The following KCND2 variants were observed in gnomAD, a reference collection of about 807,000 sequenced individuals.
KCND2 encodes the protein A-type voltage-gated potassium channel KCND2.
A neutral mutation model predicts 54.4 loss-of-function variants in KCND2; 16 were observed. The observed-to-expected ratio is 0.29, with a 90% confidence interval of 0.20 to 0.45. KCND2 has a LOEUF of 0.45. KCND2 is among the 20% of genes least tolerant of loss of function. The probability of loss-of-function intolerance (pLI) is 1.00; values close to 1 mark genes in which losing one functional copy is unlikely to be tolerated. For synonymous variants in KCND2, 317 were observed against 310.7 expected (o/e 1.02, Z -0.21); for missense variants, 486 against 824.2 (o/e 0.59, Z 5.02).
intron 1 of KCND2, among the ~76,000 whole-genome samples, chr7:120,364,237 G>A (rs1800635765): frequency 6.6e-6 from 1 of 152,074 alleles, no homozygotes; most frequent in Admixed American, 6.6e-5. Context: ...TTGTTTTAGG[G>A]CCAAGTTCTC....
At chr7:120,718,047 C>G (rs1421164341) in intron 1 of KCND2, among the ~76,000 whole-genome samples, 1 of 152,086 alleles carries the variant, frequency 6.6e-6, no homozygotes, top group Non-Finnish European at 1.5e-5. Flanking sequence ...CTTTCATCTT[C>G]TGTCCACCTG....
At position 120,399,883 on chromosome 7, in the gene KCND2, G is replaced by A. The variant is rs528060835; in HGVS notation, c.1115+124136G>A. On this transcript the variant is annotated intron_variant, in intron 1 of 5. Coordinates refer to ENST00000331113, the MANE Select transcript of KCND2 (RefSeq NM_012281.3). ...TGGAAGTACAGGTGCCTGCCACCAC[G>A]CCTGACAAATTTTCATATTTTTAGC... 3.6e-4 allele frequency among the ~76,000 whole-genome samples: 54 copies of A among 151,850 alleles called. No homozygotes were observed. The South Asian group carries it at 0.01, about 28-fold the overall frequency.
At chr7:120,537,154 C>T (rs1791921803) in intron 1 of KCND2, among the ~76,000 whole-genome samples, 1 of 152,148 alleles carries the variant, frequency 6.6e-6, no homozygotes, top group Non-Finnish European at 1.5e-5. Context: ...ATGCAGGATA[C>T]ATGTTACGTT....
intron 1 of KCND2, among the ~76,000 whole-genome samples, chr7:120,322,495 A>G (rs1799904919): frequency 2.0e-5 from 3 of 152,174 alleles, no homozygotes; most frequent in Admixed American, 2.0e-4. Context: ...GTTTTAAGGA[A>G]TACAGTTCAT....
chr7:120,334,304 A>C (rs2116352981), intron 1 of KCND2, among the ~76,000 whole-genome samples: 1 of 152,316 alleles, frequency 6.6e-6, no homozygotes, highest in South Asian at 2.1e-4. Flanking sequence ...CGTATTAGAA[A>C]GGCTAGAACT....
chr7:120,570,227 G>A (rs1397735012), intron 1 of KCND2, among the ~76,000 whole-genome samples: 1 of 152,058 alleles, frequency 6.6e-6, no homozygotes, highest in African/African-American at 2.4e-5. Flanking sequence ...GTATTTCACA[G>A]AGTGAAATAA....
chr7:120,437,544 C>A (rs2116184037), intron 1 of KCND2, among the ~76,000 whole-genome samples: 1 of 138,038 alleles, frequency 7.2e-6, no homozygotes, highest in South Asian at 2.1e-4. Context: ...TAGGGGAAGG[C>A]CATAAGCTAA....
chr7:120,652,804 G>A (rs1791754483), intron 1 of KCND2, among the ~76,000 whole-genome samples: 1 of 152,162 alleles, frequency 6.6e-6, no homozygotes, highest in African/African-American at 2.4e-5. Context: ...GGGGAAATTA[G>A]GCATGGATTA....
intron 1 of KCND2, among the ~76,000 whole-genome samples, chr7:120,621,364 T>C (rs1373040886): frequency 1.3e-5 from 2 of 150,984 alleles, no homozygotes. Context: ...CCCAGTCCAC[T>C]TCATAGCCTT....
intron 1 of KCND2, among the ~76,000 whole-genome samples, chr7:120,722,545 A>G (rs1792681485): frequency 6.6e-6 from 1 of 152,228 alleles, no homozygotes; most frequent in African/African-American, 2.4e-5. Flanking sequence ...CTTAAGGAGT[A>G]GATAAATAGG....
intron 1 of KCND2, among the ~76,000 whole-genome samples, chr7:120,658,454 G>T (rs544709381): frequency 3.3e-5 from 5 of 152,138 alleles, no homozygotes; most frequent in Non-Finnish European, 7.4e-5. Flanking sequence ...AGCATAAGTG[G>T]CAAGCAGTTC....
chr7:120,681,108 C>T (rs546182458), intron 1 of KCND2, among the ~76,000 whole-genome samples: 38 of 152,160 alleles, frequency 2.5e-4, no homozygotes, highest in African/African-American at 9.1e-4. Flanking sequence ...ACAAGCAACT[C>T]CCCAAAGGAG....
intron 2 of KCND2, among the ~76,000 whole-genome samples, chr7:120,741,318 A>T (rs183934271): frequency 6.6e-6 from 1 of 152,188 alleles, no homozygotes. Context: ...TAAAGGCATA[A>T]GCCAGCTCCA....
At chr7:120,590,079 G>A (rs1031327899) in intron 1 of KCND2, among the ~76,000 whole-genome samples, 2 of 151,968 alleles carry the variant, frequency 1.3e-5, no homozygotes, top group Non-Finnish European at 2.9e-5. Flanking sequence ...CAATGGCGGC[G>A]AACTCGATCT....
intron 1 of KCND2, among the ~76,000 whole-genome samples, chr7:120,496,581 C>G (rs1442897007): frequency 7.3e-6 from 1 of 136,572 alleles, no homozygotes; most frequent in East Asian, 2.5e-4. Flanking sequence ...CCCACCACCA[C>G]GCCTGGCTGC....
intron 1 of KCND2, among the ~76,000 whole-genome samples, chr7:120,305,229 T>C (rs1799635972): frequency 6.6e-6 from 1 of 152,108 alleles, no homozygotes; most frequent in Admixed American, 6.6e-5. Context: ...AGCATGAAAA[T>C]TATGAGGCTG....
rs140456451 is a variant in KCND2, at chr7:120,501,948, G to C, written c.1115+226201G>C. 2.4e-4 allele frequency among the ~76,000 whole-genome samples: 36 copies of C among 152,116 alleles called. No individual in the cohort carries two copies. The East Asian group carries it at 7.0e-3, about 29-fold the overall frequency. ...GATATTGTTTCCTCCAATCAATTAG[G>C]CATGGCATAGACACAGAAAAACAAT... On this transcript the variant is annotated intron_variant, in intron 1 of 5. Coordinates refer to ENST00000331113, the MANE Select transcript of KCND2 (RefSeq NM_012281.3).
intron 1 of KCND2, among the ~76,000 whole-genome samples, chr7:120,444,427 T>G (rs1261316401): frequency 6.6e-6 from 1 of 152,148 alleles, no homozygotes; most frequent in East Asian, 1.9e-4. Flanking sequence ...CCAGCTAGAT[T>G]TGTCTTTTTC....
chr7:120,461,012 G>A (rs1802276394), intron 1 of KCND2, among the ~76,000 whole-genome samples: 1 of 152,038 alleles, frequency 6.6e-6, no homozygotes, highest in Non-Finnish European at 1.5e-5. Flanking sequence ...ATGCTTTATT[G>A]TTAAACCTCT....
Sources: gnomAD v4.1 joint callset for allele counts (sites outside exome capture counted in the v4.1 genomes callset) on GRCh38, gnomAD v4.1.1 for gene constraint, MANE v1.5 for transcripts, NCBI Gene and HGNC (gene_info 2026-07-23, HGNC 2026-07-21) for gene names.